PSD3: variants seen among roughly 807,000 people sequenced by gnomAD.
PSD3 encodes PH and SEC7 domain-containing protein 3.
A neutral mutation model predicts 105.5 loss-of-function variants in PSD3; 49 were observed. The observed-to-expected ratio is 0.46, with a 90% CI of 0.37 to 0.59. The LOEUF (loss-of-function observed/expected upper bound fraction) is 0.59, where lower values mean the gene tolerates loss of function less well. Ranked by LOEUF, PSD3 falls within the 20% of genes least tolerant of loss-of-function variation. PSD3 has a pLI of 0.00. For missense variants in PSD3, 1,561 were observed against 1,263.8 expected, an observed-to-expected ratio of 1.24 and a Z score of -3.57; for synonymous variants, 557 against 457.8, an observed-to-expected ratio of 1.22 and a Z score of -2.77.
At chr8:18,852,557 A>G (rs1363347834) in intron 4 of PSD3, among the ~76,000 whole-genome samples, 1 of 152,218 alleles carries the variant, frequency 6.6e-6, no homozygotes, top group East Asian at 1.9e-4. Context: ...CTACATGAGC[A>G]CACAGATGTT....
intron 9 of PSD3, among the ~76,000 whole-genome samples, chr8:18,686,637 G>A (rs1800676198): frequency 6.6e-6 from 1 of 152,116 alleles, no homozygotes; most frequent in African/African-American, 2.4e-5. Flanking sequence ...GCATCCAGGG[G>A]CCCTTGATGC....
At chr8:18,539,408 A>T (rs17517617) in intron 15 of PSD3, among the ~76,000 whole-genome samples, 14,524 of 152,106 alleles carry the variant, frequency 0.095, 800 homozygotes, top group South Asian at 0.19. Flanking sequence ...TCATTTGGAG[A>T]CTTTATTTCC....
chr8:19,028,072 G>A (rs536410583), intron 1 of PSD3, among the ~76,000 whole-genome samples: 1 of 152,224 alleles, frequency 6.6e-6, no homozygotes, highest in Admixed American at 6.5e-5. Flanking sequence ...CAATGTATGA[G>A]AGTTCCAGCA....
chr8:18,751,293 C>G (rs1473955298), intron 9 of PSD3, among the ~76,000 whole-genome samples: 2 of 152,202 alleles, frequency 1.3e-5, no homozygotes, highest in African/African-American at 4.8e-5. Flanking sequence ...GGGTGCTAAG[C>G]CCCTCACTGA....
chr8:18,662,058 A>G (rs1809387564), intron 9 of PSD3, among the ~76,000 whole-genome samples: 1 of 152,096 alleles, frequency 6.6e-6, no homozygotes, highest in Non-Finnish European at 1.5e-5. Context: ...ACAGAGCTGA[A>G]ATCTGTATCT....
intron 1 of PSD3, among the ~76,000 whole-genome samples, chr8:19,030,422 G>A (rs1264909947): frequency 6.6e-6 from 1 of 152,088 alleles, no homozygotes; most frequent in African/African-American, 2.4e-5. Flanking sequence ...TTGAAGGTGG[G>A]GCCTAGTGGG....
At position 18,632,660 on chromosome 8, in the gene PSD3, C is replaced by G. The variant is rs1806984063; in HGVS notation, c.2363G>C (p.Ser788Thr). ...PHDPNAAVYKSGFLARKIHAD... is the reference protein window; with the variant it reads ...PHDPNAAVYKTGFLARKIHAD... The stretch of plus-strand genomic sequence containing the variant: ...ATGAATTTTCCGAGCCAAGAATCCA[C>G]TTTTGTACACAGCAGCATTTGGATC... Residue 788 changes from serine to threonine, a missense_variant, in exon 11 of 16, where the codon AGT (serine) becomes ACT (threonine). Transcript: ENST00000327040. 2.5e-6 allele frequency: 4 copies of G among 1,612,572 alleles called. No homozygotes were observed. The highest frequency in any genetic ancestry group is 1.3e-5 in the African/African-American group (1 of 74,824).
At chr8:18,731,214 C>G (rs980921545) in intron 9 of PSD3, among the ~76,000 whole-genome samples, 2 of 152,148 alleles carry the variant, frequency 1.3e-5, no homozygotes, top group Non-Finnish European at 2.9e-5. Flanking sequence ...AGAGATTGCA[C>G]CACTGCACTC....
At chr8:19,059,518 G>T (rs920839433) in intron 1 of PSD3, among the ~76,000 whole-genome samples, 2 of 152,186 alleles carry the variant, frequency 1.3e-5, no homozygotes, top group Admixed American at 1.3e-4. Context: ...AAAAGTCTAA[G>T]ATTTAAGCCA....
At position 18,804,349 on chromosome 8, in the gene PSD3, A is replaced by C; in HGVS notation, c.1910+173T>G. The C allele has an allele frequency of 5.2e-6, 3 of 579,976 alleles. No individual in the cohort carries two copies. In the South Asian group the frequency reaches 8.0e-5, roughly 16 times the overall value. The allele number at this position is 579,976 out of a possible 1,614,324, so 35.9% of individuals were successfully genotyped here. ...TAACACAAACATCTCTAAACCTGAC[A>C]AAATCCAAAATCCACAACACTTATG... On this transcript the variant is annotated intron_variant, in intron 6 of 15. Transcript: ENST00000327040.
At chr8:18,953,453 C>G (rs73202195) in intron 1 of PSD3, among the ~76,000 whole-genome samples, 28,867 of 152,110 alleles carry the variant, frequency 0.19, 3,093 homozygotes, top group Non-Finnish European at 0.24. Flanking sequence ...CATCAATATA[C>G]AAATGGCTAA....
chr8:18,797,365 T>A (rs1810281246), intron 8 of PSD3, among the ~76,000 whole-genome samples: 1 of 152,176 alleles, frequency 6.6e-6, no homozygotes. Context: ...TAATTATCCA[T>A]GATTGGCCTA....
At chr8:18,832,507 G>T (rs182550738) in intron 4 of PSD3, among the ~76,000 whole-genome samples, 1 of 152,228 alleles carries the variant, frequency 6.6e-6, no homozygotes, top group Non-Finnish European at 1.5e-5. Flanking sequence ...AGCTCACTGT[G>T]GTTGCTCAAG....
chr8:19,004,728 C>A (rs1043298099), intron 1 of PSD3, among the ~76,000 whole-genome samples: 2 of 152,054 alleles, frequency 1.3e-5, no homozygotes, highest in Non-Finnish European at 2.9e-5. Flanking sequence ...TCCCACAATT[C>A]CCATGTGTCG....
intron 8 of PSD3, among the ~76,000 whole-genome samples, chr8:18,768,387 C>G (rs1006027555): frequency 3.9e-5 from 6 of 152,156 alleles, no homozygotes; most frequent in African/African-American, 1.4e-4. Flanking sequence ...AGGAGGATCA[C>G]TTGAGCCTGG....
intron 10 of PSD3, among the ~76,000 whole-genome samples, chr8:18,635,315 C>G (rs1807173292): frequency 6.6e-6 from 1 of 152,134 alleles, no homozygotes; most frequent in African/African-American, 2.4e-5. Flanking sequence ...GAAATCAAAT[C>G]TCGGGGCTAG....
chr8:18,989,070 C>T (rs556940448), intron 1 of PSD3, among the ~76,000 whole-genome samples: 17 of 152,230 alleles, frequency 1.1e-4, no homozygotes, highest in African/African-American at 3.4e-4. Context: ...CTATTCAATT[C>T]CTCCAGTTTT....
At chr8:18,575,401 A>G (rs1309201676) in intron 12 of PSD3, 116 bp from the exon 13 acceptor site, 13 of 971,090 alleles carry the variant, frequency 1.3e-5, no homozygotes, top group Non-Finnish European at 1.7e-5. Flanking sequence ...GTGAATGAAA[A>G]AAATGAAACA....
At chr8:18,842,807 G>GT (rs1188123795) in intron 4 of PSD3, among the ~76,000 whole-genome samples, 1 of 152,112 alleles carries the variant, frequency 6.6e-6, no homozygotes, top group African/African-American at 2.4e-5. Context: ...TTCAGCAAAG[G>GT]TTTTAGACAA....
Sources: allele counts gnomAD v4.1 joint callset (sites outside exome capture counted in the v4.1 genomes callset), GRCh38; gene constraint gnomAD v4.1.1; transcripts MANE v1.5; gene names NCBI Gene and HGNC (gene_info 2026-07-23, HGNC 2026-07-21).